Variants in SLC14A2 observed in about 807,000 individuals in gnomAD.
The protein encoded by SLC14A2 is urea transporter 2.
In SLC14A2, 91 loss-of-function variants were observed where a neutral mutation model predicts 104.6. The observed-to-expected ratio is 0.87, with a 90% confidence interval of 0.73 to 1.04. The LOEUF (loss-of-function observed/expected upper bound fraction) is 1.04, where lower values mean the gene tolerates loss of function less well. Ranked by LOEUF, SLC14A2 falls within the 50% of genes least tolerant of loss-of-function variation. SLC14A2 has a pLI of 0.00. For synonymous variants in SLC14A2, 476 were observed against 466.4 expected (o/e 1.02, Z -0.27); for missense variants, 1,189 against 1,156.0 (o/e 1.03, Z -0.41).
intron 1 of SLC14A2, among the ~76,000 whole-genome samples, chr18:45,351,953 A>G (rs1369183277): frequency 6.6e-6 from 1 of 152,202 alleles, no homozygotes; most frequent in Non-Finnish European, 1.5e-5. Context: ...CTCAAGTCAT[A>G]GGACCATCAG....
the SLC14A2 span, among the ~76,000 whole-genome samples, chr18:45,168,364 C>T: frequency 2.6e-5 from 4 of 152,072 alleles, no homozygotes; most frequent in Non-Finnish European, 4.4e-5. Flanking sequence ...TGGAGCCAGA[C>T]GTTCGGTATT....
chr18:45,585,277 C>T (rs573743654), intron 2 of SLC14A2, among the ~76,000 whole-genome samples: 3 of 152,256 alleles, frequency 2.0e-5, no homozygotes, highest in African/African-American at 7.2e-5. Context: ...ACTCCGTCCC[C>T]TATCATATTT....
intron 2 of SLC14A2, among the ~76,000 whole-genome samples, chr18:45,499,570 G>T (rs2043158068): frequency 6.6e-6 from 1 of 152,182 alleles, no homozygotes; most frequent in Admixed American, 6.5e-5. Context: ...TGCCTTGCGG[G>T]ATTGTTGTAA....
intron 1 of SLC14A2, among the ~76,000 whole-genome samples, chr18:45,367,486 T>C (rs2085677835): frequency 6.6e-6 from 1 of 152,224 alleles, no homozygotes; most frequent in Non-Finnish European, 1.5e-5. Flanking sequence ...CCATTTTAAA[T>C]GGCACATTGA....
At position 45,643,924 on chromosome 18, in the gene SLC14A2, A is replaced by C. The variant is rs187210614; in HGVS notation, c.1177-62A>C. ...CGCCTGTCACATCCTTCTCCCCCAG[A>C]GTCCCCAGCCCAACACAGGAAACTA... On this transcript the variant is annotated intron_variant, in intron 9 of 19. Coordinates refer to ENST00000255226, the MANE Select transcript of SLC14A2 (RefSeq NM_007163.4). 3.0e-5 allele frequency: 43 copies of C among 1,451,658 alleles called. No homozygotes were observed. In the East Asian group the frequency reaches 8.9e-4, roughly 30 times the overall value. 89.9% of individuals were successfully genotyped at this position (1,451,658 alleles called of 1,614,324 possible). A position where few individuals can be genotyped will look rare whatever the true frequency, so the allele number is the denominator to read the frequency against.
At chr18:45,186,085 T>A in the SLC14A2 span, among the ~76,000 whole-genome samples, 2 of 152,350 alleles carry the variant, frequency 1.3e-5, no homozygotes, top group African/African-American at 4.8e-5. Context: ...TCAATAGAGA[T>A]GCCAGCAGTC....
At chr18:45,241,892 C>T (rs993454439) in intron 1 of SLC14A2, among the ~76,000 whole-genome samples, 5 of 151,982 alleles carry the variant, frequency 3.3e-5, no homozygotes, top group African/African-American at 1.2e-4. Flanking sequence ...ATTCACCTGC[C>T]TCGGCCTCCC....
At chr18:45,386,517 A>G (rs2085898798) in intron 1 of SLC14A2, among the ~76,000 whole-genome samples, 1 of 152,132 alleles carries the variant, frequency 6.6e-6, no homozygotes, top group Non-Finnish European at 1.5e-5. Context: ...TCTGTTCTCC[A>G]CTATGGCTAC....
chr18:45,274,583 T>C (rs535221584), intron 1 of SLC14A2, among the ~76,000 whole-genome samples: 2 of 152,314 alleles, frequency 1.3e-5, no homozygotes, highest in African/African-American at 4.8e-5. Context: ...ACTCACAGGG[T>C]AGGAAATCCA....
chr18:45,483,997 T>C (rs2087547358), intron 2 of SLC14A2, among the ~76,000 whole-genome samples: 1 of 152,200 alleles, frequency 6.6e-6, no homozygotes, highest in Non-Finnish European at 1.5e-5. Flanking sequence ...TCTCTTTTCA[T>C]TGGGATCTAT....
rs180903747 is a variant in SLC14A2, at chr18:45,481,760, G to A, written c.-124-1473G>A. On this transcript the variant is annotated intron_variant, in intron 1 of 20. Transcript: ENST00000586448. ...ATTGTTGTTTTCCCTTTCAAAGTTC[G>A]TGAAGACTATGAGTATCACCACATT... Among the ~76,000 whole-genome samples the A allele has an allele frequency of 2.7e-3, 408 of 152,218 alleles. 1 individual carries two copies. Among genetic ancestry groups the A allele is most frequent in the African/African-American group, 8.2e-3 (341 of 41,530 alleles).
rs371087349 is a variant in SLC14A2 at position 45,625,832 on chromosome 18, C to A, written c.300C>A (p.Gly100=). The change falls in exon 3 of 20, where the codon GGC becomes GGA. Residue 100 remains glycine (G), a synonymous_variant. Coordinates refer to ENST00000255226, the MANE Select transcript of SLC14A2 (RefSeq NM_007163.4). ...CCAAAGCAGTGGGCTACCTCACGGGCGACATGAAGGAGTACAGGATCTGGC... is the reference window on the plus strand; with the variant it reads ...CCAAAGCAGTGGGCTACCTCACGGGAGACATGAAGGAGTACAGGATCTGGC... ...CLSKAVGYLT[G]DMKEYRIWLK... 109 of 1,503,360 alleles carry A rather than the reference C, an allele frequency of 7.3e-5. No homozygotes were observed. The highest frequency in any genetic ancestry group is 9.5e-5 in the Non-Finnish European group (107 of 1,129,888). The allele number at this position is 1,503,360 out of a possible 1,614,324, so 93.1% of individuals were successfully genotyped here.
intron 2 of SLC14A2, among the ~76,000 whole-genome samples, chr18:45,595,467 C>G (rs2044708004): frequency 6.6e-6 from 1 of 151,618 alleles, no homozygotes; most frequent in Admixed American, 6.6e-5. Context: ...TTACTTCAAA[C>G]CCCACACTTT....
intron 10 of SLC14A2, among the ~76,000 whole-genome samples, chr18:45,652,441 G>A (rs1212875795): frequency 3.3e-5 from 5 of 152,150 alleles, no homozygotes; most frequent in Admixed American, 6.5e-5. Flanking sequence ...CCCTTCTACC[G>A]CTGCACAGGC....
chr18:45,463,990 G>T (rs1390346856), intron 1 of SLC14A2, among the ~76,000 whole-genome samples: 1 of 152,182 alleles, frequency 6.6e-6, no homozygotes, highest in African/African-American at 2.4e-5. Context: ...GTTTTGCAAG[G>T]TTAGTAGACT....
intron 2 of SLC14A2, among the ~76,000 whole-genome samples, chr18:45,502,444 A>G (rs1163829903): frequency 6.6e-6 from 1 of 152,232 alleles, no homozygotes; most frequent in Non-Finnish European, 1.5e-5. Flanking sequence ...GTTGGACTCA[A>G]CAGACCTGGA....
chr18:45,630,518 AC>A (rs1332267559), intron 4 of SLC14A2, among the ~76,000 whole-genome samples: 1 of 152,178 alleles, frequency 6.6e-6, no homozygotes, highest in East Asian at 1.9e-4. Context: ...CTGGAGTTGA[AC>A]CCAATTTTGC....
intron 2 of SLC14A2, chr18:45,489,769 A>T (rs2144724388): frequency 6.6e-6 from 1 of 152,320 alleles, no homozygotes; most frequent in Non-Finnish European, 1.5e-5. Flanking sequence ...AGTGTCACAA[A>T]GTGTAGAAAA....
chr18:45,231,056 G>A (rs1429560327), intron 1 of SLC14A2, among the ~76,000 whole-genome samples: 2 of 152,190 alleles, frequency 1.3e-5, no homozygotes, highest in Non-Finnish European at 2.9e-5. Context: ...TCCTGGAAAT[G>A]TCAAGGAATA....
Sources: gnomAD v4.1 joint callset for allele counts (sites outside exome capture counted in the v4.1 genomes callset) on GRCh38, gnomAD v4.1.1 for gene constraint, MANE v1.5 for transcripts, NCBI Gene and HGNC (gene_info 2026-07-23, HGNC 2026-07-21) for gene names.